Variants in MYO16 observed in about 807,000 individuals in gnomAD.
MYO16 encodes the protein unconventional myosin-XVI.
A neutral mutation model predicts 205.3 loss-of-function variants in MYO16; 94 were observed. The observed-to-expected ratio is 0.46, with a 90% confidence interval of 0.39 to 0.54. The LOEUF (loss-of-function observed/expected upper bound fraction) is 0.54, where lower values mean the gene tolerates loss of function less well. MYO16 is among the 20% of genes least tolerant of loss of function. The pLI is 0.00. For missense variants in MYO16, 2,315 were observed against 2,387.5 expected, an observed-to-expected ratio of 0.97 and a Z score of 0.63; for synonymous variants, 988 against 954.0, an observed-to-expected ratio of 1.04 and a Z score of -0.66.
At chr13:108,850,509 G>T (rs1053248201) in intron 10 of MYO16, among the ~76,000 whole-genome samples, 1 of 152,100 alleles carries the variant, frequency 6.6e-6, no homozygotes, top group Non-Finnish European at 1.5e-5. Flanking sequence ...AACCATAATG[G>T]TCAATTTTGG....
chr13:108,662,614 C>T (rs1881553776), intron 1 of MYO16, among the ~76,000 whole-genome samples: 1 of 152,134 alleles, frequency 6.6e-6, no homozygotes, highest in African/African-American at 2.4e-5. Flanking sequence ...ATCTCACTCC[C>T]ACCGTGCCCC....
intron 2 of MYO16, among the ~76,000 whole-genome samples, chr13:108,680,030 C>T (rs1038477768): frequency 3.6e-5 from 5 of 139,830 alleles, no homozygotes; most frequent in Non-Finnish European, 8.0e-5. Context: ...TCACTTAGAT[C>T]CCAGTTTCTG....
rs1022661823 is a variant in MYO16 at position 109,069,624 on chromosome 13, C to T, written c.3335+14029C>T. 5.9e-5 allele frequency among the ~76,000 whole-genome samples: 9 copies of T among 151,672 alleles called. No individual in the cohort carries two copies. The South Asian group carries it at 1.9e-3, about 32-fold the overall frequency. On this transcript the variant is annotated intron_variant, in intron 27 of 34. Coordinates refer to ENST00000457511, the MANE Select transcript of MYO16 (RefSeq NM_001198950.3). ...ACTGTGTGCTCATATGACCTCATGG[C>T]TTTTCTTTGGTACATACATGCCATG... is the stretch of plus-strand genomic sequence containing the variant.
At chr13:108,691,396 G>A (rs539854178) in intron 2 of MYO16, among the ~76,000 whole-genome samples, 1 of 152,072 alleles carries the variant, frequency 6.6e-6, no homozygotes, top group Non-Finnish European at 1.5e-5. Flanking sequence ...GTAGGGGTGT[G>A]TGTCTGTGTG....
chr13:108,519,626 T>TACACACAC, the MYO16 span, among the ~76,000 whole-genome samples: 1 of 108,436 alleles, frequency 9.2e-6, no homozygotes, highest in African/African-American at 5.7e-5. Flanking sequence ...ATATGCAAAA[T>TACACACAC]ACACACACAC....
At chr13:109,007,130 T>C (rs1885413517) in intron 21 of MYO16, among the ~76,000 whole-genome samples, 3 of 152,238 alleles carry the variant, frequency 2.0e-5, no homozygotes, top group Admixed American at 6.5e-5. Flanking sequence ...GGCTCATGCC[T>C]GTAATCCCAG....
chr13:108,610,535 A>G (rs933561920), intron 1 of MYO16, among the ~76,000 whole-genome samples: 19 of 152,194 alleles, frequency 1.2e-4, no homozygotes, highest in African/African-American at 4.3e-4. Context: ...ATGAAGAAGC[A>G]TAGAGCACAG....
chr13:108,950,881 C>T (rs938541472), intron 16 of MYO16, among the ~76,000 whole-genome samples: 9 of 152,112 alleles, frequency 5.9e-5, no homozygotes, highest in South Asian at 2.1e-4. Context: ...ACAGTTTAGC[C>T]GTACACAGCA....
chr13:108,799,411 A>C (rs557304165), intron 6 of MYO16, among the ~76,000 whole-genome samples: 1 of 152,256 alleles, frequency 6.6e-6, no homozygotes, highest in Non-Finnish European at 1.5e-5. Context: ...TATATAATGC[A>C]TGTGCTTCTA....
At chr13:108,846,880 A>C (rs1473979397) in intron 10 of MYO16, among the ~76,000 whole-genome samples, 5 of 152,148 alleles carry the variant, frequency 3.3e-5, no homozygotes, top group African/African-American at 1.2e-4. Context: ...TTTTGAATGC[A>C]ATTATTGATA....
intron 1 of MYO16, among the ~76,000 whole-genome samples, chr13:108,611,482 C>A (rs1486008496): frequency 6.6e-6 from 1 of 152,026 alleles, no homozygotes; most frequent in Admixed American, 6.6e-5. Context: ...CACCAAGAGC[C>A]TTATAAAATT....
chr13:109,194,933 C>T (rs115827005), intron 34 of MYO16, among the ~76,000 whole-genome samples: 2 of 151,824 alleles, frequency 1.3e-5, no homozygotes, highest in Non-Finnish European at 2.9e-5. Context: ...TTTTAAGTTT[C>T]TATTTTATAA....
chr13:108,666,513 G>C (rs1489903583), intron 2 of MYO16, among the ~76,000 whole-genome samples: 2 of 151,828 alleles, frequency 1.3e-5, no homozygotes, highest in Non-Finnish European at 2.9e-5. Context: ...TATAGAGACA[G>C]GGTCCCACTA....
At chr13:109,174,748 CTTTT>C (rs34606084) in intron 33 of MYO16, among the ~76,000 whole-genome samples, 1 of 85,616 alleles carries the variant, frequency 1.2e-5, no homozygotes, top group Non-Finnish European at 2.5e-5. Context: ...CTTGTCTTGT[CTTTT>C]TTTTTTTTTT....
At position 108,972,378 on chromosome 13, in the gene MYO16, A is replaced by C. The variant is rs1365701740; in HGVS notation, c.2369+7476A>C. 1.0e-3 allele frequency among the ~76,000 whole-genome samples: 67 copies of C among 63,884 alleles called. 16 individuals carry two copies. The highest frequency in any genetic ancestry group is 2.9e-3 in the African/African-American group (32 of 10,944). The allele number at this position is 63,884 out of a possible 152,430, so 41.9% of individuals were successfully genotyped here. A position where few individuals can be genotyped will look rare whatever the true frequency, so the allele number is the denominator to read the frequency against. On this transcript the variant is annotated intron_variant, in intron 20 of 34. Coordinates refer to ENST00000457511, the MANE Select transcript of MYO16 (RefSeq NM_001198950.3). ...TATATATATATATATATATATATAT[A>C]TATATATATATATATATATAGTGGC...
At chr13:109,011,174 G>A (rs1356380177) in intron 22 of MYO16, among the ~76,000 whole-genome samples, 3 of 151,906 alleles carry the variant, frequency 2.0e-5, no homozygotes, top group African/African-American at 7.3e-5. Context: ...CAGATAACTT[G>A]CTGAGGTGGG....
At chr13:108,519,573 A>T in the MYO16 span, among the ~76,000 whole-genome samples, 1 of 151,882 alleles carries the variant, frequency 6.6e-6, no homozygotes, top group African/African-American at 2.4e-5. Context: ...GAACACTGGA[A>T]ATAATGGAAA....
chr13:108,535,082 C>T, the MYO16 span, among the ~76,000 whole-genome samples: 3 of 149,072 alleles, frequency 2.0e-5, no homozygotes, highest in African/African-American at 7.4e-5. Context: ...TCTTCTTCCC[C>T]TCTTCCTCTT....
At chr13:108,922,299 G>T (rs9583310) in intron 16 of MYO16, among the ~76,000 whole-genome samples, 12,311 of 152,230 alleles carry the variant, frequency 0.081, 698 homozygotes, top group Middle Eastern at 0.24. Flanking sequence ...AGGCCTGTTG[G>T]GTGGGGCAGC....
Sources: allele counts gnomAD v4.1 joint callset (sites outside exome capture counted in the v4.1 genomes callset), GRCh38; gene constraint gnomAD v4.1.1; transcripts MANE v1.5; gene names NCBI Gene and HGNC (gene_info 2026-07-23, HGNC 2026-07-21).